SLC26A5: variants seen among roughly 807,000 people sequenced by gnomAD.
SLC26A5 encodes prestin.
Under a neutral mutation model 81.0 loss-of-function variants are expected in SLC26A5, and 51 were observed. The observed-to-expected ratio is 0.63, with a 90% CI of 0.50 to 0.80. The LOEUF (loss-of-function observed/expected upper bound fraction) is 0.80. SLC26A5 is among the 30% of genes least tolerant of loss of function. The pLI is 0.00. For missense variants in SLC26A5, 771 were observed against 905.8 expected (o/e 0.85, Z 1.91); for synonymous variants, 325 against 332.8 (o/e 0.98, Z 0.25).
chr7:103,429,385 G>A (rs10488281), intron 2 of SLC26A5, among the ~76,000 whole-genome samples: 34,088 of 151,784 alleles, frequency 0.22, 4,200 homozygotes, highest in East Asian at 0.44. Context: ...CTTCTCTATG[G>A]GCCTCAATAT....
chr7:103,422,857 A>C (rs1431307931), intron 2 of SLC26A5, among the ~76,000 whole-genome samples: 3 of 152,184 alleles, frequency 2.0e-5, no homozygotes, highest in Non-Finnish European at 4.4e-5. Flanking sequence ...ACATGAATGC[A>C]TGGTTAAGTG....
chr7:103,391,293 C>T (rs1256018445), intron 11 of SLC26A5, among the ~76,000 whole-genome samples: 4 of 152,224 alleles, frequency 2.6e-5, no homozygotes, highest in Admixed American at 6.5e-5. Flanking sequence ...TCCATCATTG[C>T]GGAAAGTTCT....
At chr7:103,419,271 G>C (rs898563717) in intron 4 of SLC26A5, among the ~76,000 whole-genome samples, 1 of 152,082 alleles carries the variant, frequency 6.6e-6, no homozygotes, top group South Asian at 2.1e-4. Flanking sequence ...TAAATAAAAA[G>C]TAATGCTGAT....
chr7:103,439,754 G>A (rs143872145), intron 2 of SLC26A5, among the ~76,000 whole-genome samples: 2,037 of 152,184 alleles, frequency 0.013, 22 homozygotes, highest in Middle Eastern at 0.024. Context: ...GGCTGGTCTC[G>A]GACTCCTGGC....
rs534410562 is a variant in SLC26A5, at chr7:103,433,852, G to A, written c.-54+9231C>T. Reference sequence around the variant, plus strand: ...TGAGTAGCTGGGACTACAGGTGCCCGCCACCACACCCGGCTAATTTTTGTA... The same window carrying A: ...TGAGTAGCTGGGACTACAGGTGCCCACCACCACACCCGGCTAATTTTTGTA... On this transcript the variant is annotated intron_variant, in intron 2 of 19. Transcript: ENST00000306312. 5.3e-5 allele frequency among the ~76,000 whole-genome samples: 8 copies of A among 151,710 alleles called. No homozygotes were observed. In the East Asian group the frequency reaches 5.8e-4, roughly 11 times the overall value.
Position 103,420,775 on chromosome 7 carries a change from G to T in SLC26A5, c.255C>A (p.Val85=), listed in dbSNP as rs769917885. 2.5e-6 allele frequency: 4 copies of T among 1,614,126 alleles called. No individual in the cohort carries two copies. Among genetic ancestry groups the T allele is most frequent in the Non-Finnish European group, 3.4e-6 (4 of 1,179,994 alleles). The part of the protein sequence containing the change: ...KFKEYVLGDL[V]SGISTGVLQL... Reference sequence around the variant, plus strand: ...GAAGCACCCCTGTGCTTATGCCTGAGACCAAGTCACCCAACACATATTCCT... The same window carrying T: ...GAAGCACCCCTGTGCTTATGCCTGATACCAAGTCACCCAACACATATTCCT... The change falls in exon 4 of 20, where the codon GTC becomes GTA. Residue 85 remains valine (V), a synonymous_variant. Transcript: ENST00000306312.
chr7:103,366,288 G>C (rs1452559503), intron 19 of SLC26A5: 3 of 791,266 alleles, frequency 3.8e-6, no homozygotes, highest in Non-Finnish European at 6.2e-6. Flanking sequence ...CTCTGAAACA[G>C]TGGCGCCACA....
chr7:103,407,875 C>T lies in SLC26A5; in HGVS notation c.864G>A (p.Ala288=), dbSNP rs556341162. The change falls in exon 8 of 20, where the codon GCG becomes GCA. Residue 288 remains alanine, a synonymous_variant. Coordinates refer to ENST00000306312, the MANE Select transcript of SLC26A5 (RefSeq NM_198999.3). Reference sequence around the variant, plus strand: ...CCGCAAAGAACTCTAAAGGAATAGGCGCCGGCAATTTCTCTTTAAATCTCT... The same window carrying T: ...CCGCAAAGAACTCTAAAGGAATAGGTGCCGGCAATTTCTCTTTAAATCTCT... ...FNERFKEKLP[A]PIPLEFFAVV... 3.8e-5 allele frequency: 61 copies of T among 1,614,058 alleles called. No individual in the cohort carries two copies. Among genetic ancestry groups the T allele is most frequent in the Admixed American group, 2.5e-4 (15 of 60,010 alleles).
At chr7:103,354,954 G>A (rs199667208) in intron 19 of SLC26A5, 2 of 1,580,644 alleles carry the variant, frequency 1.3e-6, no homozygotes, top group Non-Finnish European at 1.7e-6. Flanking sequence ...TCACTGGTAT[G>A]TATTTTTAAA....
intron 4 of SLC26A5, among the ~76,000 whole-genome samples, chr7:103,417,879 G>C (rs557461172): frequency 1.0e-3 from 152 of 152,256 alleles, no homozygotes; most frequent in Non-Finnish European, 1.8e-3. Context: ...CTCCCGAGTA[G>C]CTGGGACTAC....
chr7:103,406,354 A>G (rs1035911594), intron 8 of SLC26A5, among the ~76,000 whole-genome samples: 2 of 152,202 alleles, frequency 1.3e-5, no homozygotes, highest in Non-Finnish European at 1.5e-5. Flanking sequence ...TGTGAAGACC[A>G]TGAGAAAAGC....
chr7:103,384,394 C>G (rs1010486833), intron 14 of SLC26A5, among the ~76,000 whole-genome samples: 1 of 151,858 alleles, frequency 6.6e-6, no homozygotes, highest in Non-Finnish European at 1.5e-5. Context: ...AGGTGGATCA[C>G]GAGGTGAGGA....
At chr7:103,375,395 T>C (rs1476761529) in intron 19 of SLC26A5, among the ~76,000 whole-genome samples, 1 of 152,082 alleles carries the variant, frequency 6.6e-6, no homozygotes, top group African/African-American at 2.4e-5. Context: ...TAAATGCACT[T>C]ATAATTTTGA....
At chr7:103,421,198 A>T (rs1165186256) in intron 3 of SLC26A5, among the ~76,000 whole-genome samples, 165 bp downstream of exon 3, 1 of 152,206 alleles carries the variant, frequency 6.6e-6, no homozygotes, top group Non-Finnish European at 1.5e-5. Flanking sequence ...GCCTGTGTGC[A>T]AATATCTAAC....
At chr7:103,359,172 A>ATTTTTTTTTTTTTTTTTTTTTT (rs1586155184) in intron 19 of SLC26A5, among the ~76,000 whole-genome samples, 2 of 58,386 alleles carry the variant, frequency 3.4e-5, no homozygotes, top group Non-Finnish European at 3.2e-5. Context: ...TTTTTTTTTA[A>ATTTTTTTTTTTTTTTTTTTTTT]TTTTTAGTAG....
chr7:103,413,094 A>T lies in SLC26A5; in HGVS notation c.311T>A (p.Leu104Gln). ...GCCAAATATTGGAGGCACAGCTGCC[A>T]GCATTGCAAAGGCTAAGCCTGTGGG... ...QLPQGLAFAM[L>Q]AAVPPIFGLY... Residue 104 changes from leucine to glutamine, a missense_variant, in exon 5 of 20, where the codon CTG becomes CAG. Transcript: ENST00000306312. 1 of 1,613,466 alleles carries T rather than the reference A, an allele frequency of 6.2e-7. No homozygotes were observed. Among genetic ancestry groups the T allele is most frequent in the Non-Finnish European group, 8.5e-7 (1 of 1,179,450 alleles).
At chr7:103,440,791 C>A (rs1046345250) in intron 2 of SLC26A5, among the ~76,000 whole-genome samples, 2 of 152,246 alleles carry the variant, frequency 1.3e-5, no homozygotes, top group Admixed American at 1.3e-4. Context: ...TCAGGTAAAG[C>A]CTACTCCTCT....
At chr7:103,354,072 C>A (rs1398672219) in intron 19 of SLC26A5, 33 of 767,076 alleles carry the variant, frequency 4.3e-5, no homozygotes, top group South Asian at 6.5e-5. Context: ...AATTAAAAAA[C>A]CAAACAAAAA....
At position 103,398,145 on chromosome 7, in the gene SLC26A5, T is replaced by G. The variant is rs1355940393; in HGVS notation, c.889-131A>C. The G allele has an allele frequency of 5.3e-6, 4 of 754,500 alleles. No homozygotes were observed. In the Admixed American group the frequency reaches 5.9e-5, roughly 11 times the overall value. 46.7% of individuals were successfully genotyped at this position (754,500 alleles called of 1,614,324 possible). A position where few individuals can be genotyped will look rare whatever the true frequency, so the allele number is the denominator to read the frequency against. On this transcript the variant is annotated intron_variant, in intron 8 of 19. Transcript: ENST00000306312. Reference sequence around the variant, plus strand: ...AACATTCAGATTTAAAAAGAAGATTTACCATTAGCTTCAACAATTCTAACT... The same window carrying G: ...AACATTCAGATTTAAAAAGAAGATTGACCATTAGCTTCAACAATTCTAACT...
Sources: allele counts gnomAD v4.1 joint callset (sites outside exome capture counted in the v4.1 genomes callset), GRCh38; gene constraint gnomAD v4.1.1; transcripts MANE v1.5; gene names NCBI Gene and HGNC (gene_info 2026-07-23, HGNC 2026-07-21).